Variants in GDPD4 observed in about 807,000 individuals in gnomAD.
The protein encoded by GDPD4 is glycerophosphodiester phosphodiesterase domain containing 4, also known as glycerophosphodiester phosphodiesterase 6.
Under a neutral mutation model 67.8 loss-of-function variants are expected in GDPD4, and 60 were observed. The observed-to-expected ratio is 0.88, with a 90% confidence interval of 0.72 to 1.10. GDPD4 has a LOEUF of 1.10. GDPD4 is among the 50% of genes least tolerant of loss of function. The pLI, the probability that GDPD4 is intolerant of heterozygous loss-of-function variation, is 0.00. For missense variants in GDPD4, 623 were observed against 613.9 expected (o/e 1.01, Z -0.16); for synonymous variants, 212 against 210.9 (o/e 1.00, Z -0.04).
At chr11:77,254,797 C>T (rs1958973233) in intron 11 of GDPD4, among the ~76,000 whole-genome samples, 1 of 152,144 alleles carries the variant, frequency 6.6e-6, no homozygotes, top group African/African-American at 2.4e-5. Flanking sequence ...ACTTGATTTT[C>T]ACAATAATCT....
rs1200914736 is a variant in GDPD4 at position 77,225,265 on chromosome 11, C to T, written c.1525+2599G>A. ...GCAGTGAGCTGAGATCATGCCACTGCACTCCAGCCTGGGCAACAGAGCAAG... is the reference window on the plus strand; with the variant it reads ...GCAGTGAGCTGAGATCATGCCACTGTACTCCAGCCTGGGCAACAGAGCAAG... On this transcript the variant is annotated intron_variant, in intron 16 of 16. Coordinates refer to ENST00000315938, the MANE Select transcript of GDPD4 (RefSeq NM_182833.3). 4.0e-5 allele frequency among the ~76,000 whole-genome samples: 6 copies of T among 149,874 alleles called. No individual in the cohort carries two copies. In the East Asian group the frequency reaches 5.9e-4, roughly 15 times the overall value.
intron 1 of GDPD4, among the ~76,000 whole-genome samples, chr11:77,292,558 T>C (rs896480073): frequency 6.6e-6 from 1 of 151,942 alleles, no homozygotes; most frequent in African/African-American, 2.4e-5. Context: ...TCAGTAAAAG[T>C]GGAGCAAATT....
intron 16 of GDPD4, among the ~76,000 whole-genome samples, chr11:77,223,852 A>C (rs1382227544): frequency 1.3e-5 from 2 of 152,058 alleles, no homozygotes; most frequent in African/African-American, 2.4e-5. Context: ...GGCTCCACCT[A>C]ATTTGAGCGT....
rs1959874543 is a variant in GDPD4 at position 77,283,942 on chromosome 11, G to A, written c.53+1143C>T. ...ACGATCTCGGCTCACTGCAACCTCT[G>A]CCTCCCAGGCCCAAGGGATCCTCCC... On this transcript the variant is annotated intron_variant, in intron 3 of 16. Coordinates refer to ENST00000315938, the MANE Select transcript of GDPD4 (RefSeq NM_182833.3). Among the ~76,000 whole-genome samples the A allele has an allele frequency of 2.8e-5, 4 of 143,468 alleles. No individual in the cohort carries two copies. In the South Asian group the frequency reaches 6.5e-4, roughly 23 times the overall value. 94.1% of individuals were successfully genotyped at this position (143,468 alleles called of 152,430 possible).
chr11:77,240,837 AATC>A (rs1399548498), intron 13 of GDPD4, among the ~76,000 whole-genome samples: 2 of 152,224 alleles, frequency 1.3e-5, no homozygotes, highest in African/African-American at 4.8e-5. Flanking sequence ...CAATATCACT[AATC>A]ATCAGGGAAA....
chr11:77,259,324 T>G (rs1173230466), intron 10 of GDPD4, among the ~76,000 whole-genome samples: 1 of 152,146 alleles, frequency 6.6e-6, no homozygotes, highest in Non-Finnish European at 1.5e-5. Context: ...TCAGATAGTA[T>G]CATAAGGTAA....
intron 13 of GDPD4, among the ~76,000 whole-genome samples, chr11:77,237,557 A>G (rs1449029471): frequency 6.6e-6 from 1 of 152,236 alleles, no homozygotes; most frequent in Non-Finnish European, 1.5e-5. Context: ...CCATAAAATA[A>G]GTTTAGAATT....
intron 2 of GDPD4, among the ~76,000 whole-genome samples, chr11:77,286,255 G>T (rs2135889259): frequency 6.6e-6 from 1 of 152,214 alleles, no homozygotes; most frequent in Admixed American, 6.5e-5. Context: ...CCTTCTAAAA[G>T]GTGGCCCTCC....
At chr11:77,241,858 A>C (rs964732039) in intron 13 of GDPD4, among the ~76,000 whole-genome samples, 1 of 151,938 alleles carries the variant, frequency 6.6e-6, no homozygotes, top group Non-Finnish European at 1.5e-5. Context: ...GCTTGAATCC[A>C]AGAGGCGGAG....
rs1209674531 is a variant in GDPD4 at position 77,233,101 on chromosome 11, C to A, written c.1313G>T (p.Trp438Leu). 6.2e-7 allele frequency: 1 copy of A among 1,613,868 alleles called. No individual in the cohort carries two copies. Among genetic ancestry groups the A allele is most frequent in the East Asian group, 2.2e-5 (1 of 44,870 alleles). Reference sequence around the variant, plus strand: ...GGTCACTGAGTTAATCCTGGAGCACCAGGCCAGTGAGAAAAGCCAAGGCTC... The same window carrying A: ...GGTCACTGAGTTAATCCTGGAGCACAAGGCCAGTGAGAAAAGCCAAGGCTC... Reference protein sequence around the residue: ...VNEPWLFSLAWCSRINSVTTD... With the variant: ...VNEPWLFSLALCSRINSVTTD... The change falls in exon 14 of 17, where the codon TGG (tryptophan) becomes TTG (leucine). Residue 438 changes from tryptophan to leucine, a missense_variant. By Grantham distance (61) the Trp-to-Leu change is moderately conservative. Transcript: ENST00000315938.
At position 77,271,127 on chromosome 11, in the gene GDPD4, T is replaced by A; in HGVS notation, c.400+3A>T. 6.3e-7 allele frequency: 1 copy of A among 1,596,112 alleles called. No homozygotes were observed. Among genetic ancestry groups the A allele is most frequent in the Non-Finnish European group, 8.6e-7 (1 of 1,164,840 alleles). ...AGGCAGGGTTCTGCCCTATGTGACA[T>A]ACCTTCTCTTTCCAAACATGCCACG... On this transcript the variant is annotated splice_donor_region_variant and intron_variant, in intron 7 of 16. Transcript: ENST00000315938.
intron 14 of GDPD4, among the ~76,000 whole-genome samples, chr11:77,231,677 T>G (rs866105602): frequency 3.3e-5 from 5 of 152,228 alleles, no homozygotes; most frequent in African/African-American, 9.6e-5. Flanking sequence ...AATGTGTACC[T>G]CCCAAAGGGA....
intron 13 of GDPD4, among the ~76,000 whole-genome samples, chr11:77,239,904 A>ATGGGCAGAGATTGTGCCAC (rs1958631516): frequency 6.6e-6 from 1 of 151,534 alleles, no homozygotes; most frequent in Non-Finnish European, 1.5e-5. Flanking sequence ...AGAGGTTGCA[A>ATGGGCAGAGATTGTGCCAC]TGGGCAGAGA....
At chr11:77,235,018 T>TTTTTTTTTTTTG (rs1958529040) in intron 13 of GDPD4, among the ~76,000 whole-genome samples, 1 of 129,156 alleles carries the variant, frequency 7.7e-6, no homozygotes. Context: ...TGTTTTTTTT[T>TTTTTTTTTTTTG]TTTTTTTTTT....
intron 1 of GDPD4, among the ~76,000 whole-genome samples, chr11:77,298,057 A>G (rs1233299443): frequency 6.6e-6 from 1 of 152,118 alleles, no homozygotes; most frequent in Non-Finnish European, 1.5e-5. Flanking sequence ...TGAAAAAGAC[A>G]GGGAAAATAA....
Position 77,271,341 on chromosome 11 carries a change from CA to C in GDPD4, c.259del (p.Cys87AlafsTer10), listed in dbSNP as rs1959221836. ...LLCVILMFII[C>X]KFWKERWLVA... ...CAGCCACCTTTCTTTCCAGAATTTG[CA>C]TATAATGAACATTAAAATGACACAC... On this transcript the variant is annotated frameshift_variant, in exon 6 of 17. Coordinates refer to ENST00000315938, the MANE Select transcript of GDPD4 (RefSeq NM_182833.3). LOFTEE classifies it high-confidence loss of function. 1 of 1,613,882 alleles carries C rather than the reference CA, an allele frequency of 6.2e-7. No homozygotes were observed. The highest frequency in any genetic ancestry group is 2.2e-5 in the East Asian group (1 of 44,882).
At chr11:77,277,432 G>A (rs568784290) in intron 4 of GDPD4, among the ~76,000 whole-genome samples, 179 of 90,278 alleles carry the variant, frequency 2.0e-3, no homozygotes, top group African/African-American at 6.1e-3. Context: ...ACAGAGTCTC[G>A]CTCTGTCGTC....
chr11:77,220,935 C>T lies in GDPD4; in HGVS notation c.1526-3621G>A, dbSNP rs539993497. 8.5e-5 allele frequency among the ~76,000 whole-genome samples: 13 copies of T among 152,178 alleles called. 1 individual carries two copies. The East Asian group carries it at 1.5e-3, about 18-fold the overall frequency. ...AACTTCTGAATTCGGGTGGGTAACC[C>T]GACCTTTCTCACTTTAGTTTTGGGA... is the stretch of plus-strand genomic sequence containing the variant. On this transcript the variant is annotated intron_variant, in intron 16 of 16. Coordinates refer to ENST00000315938, the MANE Select transcript of GDPD4 (RefSeq NM_182833.3).
At chr11:77,275,225 A>C (rs1959402951) in intron 5 of GDPD4, among the ~76,000 whole-genome samples, 1 of 152,188 alleles carries the variant, frequency 6.6e-6, no homozygotes. Context: ...AACCATGCCC[A>C]AAAAAGTCTA....
Sources: allele counts gnomAD v4.1 joint callset (sites outside exome capture counted in the v4.1 genomes callset), GRCh38; gene constraint gnomAD v4.1.1; transcripts MANE v1.5; gene names NCBI Gene and HGNC (gene_info 2026-07-23, HGNC 2026-07-21).